COQ10B: variants seen among roughly 807,000 people sequenced by gnomAD.
The protein encoded by COQ10B is coenzyme Q-binding protein COQ10 homolog B, mitochondrial.
Under a neutral mutation model 27.6 loss-of-function variants are expected in COQ10B, and 12 were observed. The ratio of observed to expected loss-of-function variants is 0.43; its 90% CI spans 0.28 to 0.70. COQ10B has a LOEUF of 0.70. COQ10B is among the 30% of genes least tolerant of loss of function. The pLI, the probability that COQ10B is intolerant of heterozygous loss-of-function variation, is 0.17. For missense variants in COQ10B, 278 were observed against 288.7 expected, an observed-to-expected ratio of 0.96 and a Z score of 0.27; for synonymous variants, 115 against 103.0, an observed-to-expected ratio of 1.12 and a Z score of -0.71.
intron 1 of COQ10B, chr2:197,454,148 A>G: frequency 6.5e-7 from 1 of 1,547,542 alleles, no homozygotes; most frequent in Non-Finnish European, 8.7e-7. Flanking sequence ...AGTGTTTACA[A>G]AACTAAATAC....
intron 3 of COQ10B, among the ~76,000 whole-genome samples, chr2:197,464,080 C>CAT (rs199664770): frequency 1.1e-3 from 156 of 136,638 alleles, no homozygotes; most frequent in Admixed American, 2.7e-3. Context: ...CACACACACA[C>CAT]ATATATATAT....
At chr2:197,471,267 C>T (rs1005433334) in intron 4 of COQ10B, among the ~76,000 whole-genome samples, 3 of 151,900 alleles carry the variant, frequency 2.0e-5, no homozygotes, top group African/African-American at 4.8e-5. Flanking sequence ...CTCAGCCTCC[C>T]GAGTAGCTGG....
intron 1 of COQ10B, 129 bp from the exon 2 acceptor site, chr2:197,459,803 G>A (rs2085736836): frequency 1.8e-6 from 1 of 548,122 alleles, no homozygotes; most frequent in South Asian, 3.6e-5. Flanking sequence ...CCGTGTGTGT[G>A]TATTTTTTCA....
At chr2:197,458,750 G>A (rs955403649) in intron 1 of COQ10B, among the ~76,000 whole-genome samples, 3 of 148,180 alleles carry the variant, frequency 2.0e-5, no homozygotes, top group Non-Finnish European at 3.0e-5. Context: ...GCACAACTTC[G>A]GCTTACTGCA....
rs1471589137 is a variant in COQ10B, at chr2:197,473,922, T to A, written c.715T>A (p.Ter239LysextTer11). 2.0e-6 allele frequency: 3 copies of A among 1,493,412 alleles called. No individual in the cohort carries two copies. The highest frequency in any genetic ancestry group is 2.7e-6 in the Non-Finnish European group (3 of 1,113,284). 92.5% of individuals were successfully genotyped at this position (1,493,412 alleles called of 1,614,324 possible). Residue 239 changes from the stop codon to lysine, a stop_lost, in exon 5 of 5, where the codon TAA (stop) becomes AAA (lysine). Coordinates refer to ENST00000263960, the MANE Select transcript of COQ10B (RefSeq NM_025147.5). ...AATGCTTCATGAAGTCCATCACACATAAAGGCAAAAAAGAACTGGTGCCAC... is the reference window on the plus strand; with the variant it reads ...AATGCTTCATGAAGTCCATCACACAAAAAGGCAAAAAAGAACTGGTGCCAC... ...ELMLHEVHHT[*>K]
chr2:197,461,559 C>CTGTG lies in COQ10B; in HGVS notation c.255-947_255-944dup, dbSNP rs60261177. On this transcript the variant is annotated intron_variant, in intron 2 of 4. Transcript: ENST00000263960. ...GCAACTAAAAAAATACTGATTTAGTCTGTGTGTGTGTGTGTGTGTGTGTGT... is the reference window on the plus strand; with the variant it reads ...GCAACTAAAAAAATACTGATTTAGTCTGTGTGTGTGTGTGTGTGTGTGTGTGTGT... Among the ~76,000 whole-genome samples the CTGTG allele has an allele frequency of 6.3e-3, 884 of 139,854 alleles. 6 individuals carry two copies. The highest frequency in any genetic ancestry group is 0.019 in the African/African-American group (701 of 37,820). The allele number at this position is 139,854 out of a possible 152,430, so 91.7% of individuals were successfully genotyped here. A position where few individuals can be genotyped will look rare whatever the true frequency, so the allele number is the denominator to read the frequency against.
chr2:197,467,835 T>G (rs1213114492), intron 3 of COQ10B, among the ~76,000 whole-genome samples: 2 of 152,234 alleles, frequency 1.3e-5, no homozygotes, highest in African/African-American at 4.8e-5. Context: ...TGTCAGTAAT[T>G]CTAGTCTACA....
chr2:197,473,478 GTATATATATGTATATACGTA>G (rs1553575338), intron 4 of COQ10B, among the ~76,000 whole-genome samples: 2 of 86,204 alleles, frequency 2.3e-5, no homozygotes, highest in Non-Finnish European at 4.5e-5. Context: ...ATATATACAC[GTATATATATGTATATACGTA>G]TATATATACG....
chr2:197,453,553 A>G lies in COQ10B; in HGVS notation c.-8A>G, dbSNP rs746106576. 1 of 1,607,504 alleles carries G rather than the reference A, an allele frequency of 6.2e-7. No individual in the cohort carries two copies. The highest frequency in any genetic ancestry group is 1.3e-5 in the African/African-American group (1 of 74,622). ...CGGGAGGTGACGACCGGCTTCGGAG[A>G]GTCTATCATGGCAGCTCGGACTGGT... On this transcript the variant is annotated 5_prime_UTR_variant, in exon 1 of 5. Coordinates refer to ENST00000263960, the MANE Select transcript of COQ10B (RefSeq NM_025147.5).
At chr2:197,466,428 T>G (rs535511970) in intron 3 of COQ10B, among the ~76,000 whole-genome samples, 135 of 152,356 alleles carry the variant, frequency 8.9e-4, no homozygotes, top group African/African-American at 3.1e-3. Context: ...ATTCATGCTT[T>G]CTTTTATCAC....
intron 3 of COQ10B, among the ~76,000 whole-genome samples, chr2:197,466,933 G>C (rs915562369): frequency 1.3e-5 from 2 of 150,250 alleles, no homozygotes; most frequent in East Asian, 3.9e-4. Context: ...TTGTTCCTGG[G>C]TTCAGTTTCC....
intron 3 of COQ10B, among the ~76,000 whole-genome samples, chr2:197,467,375 C>G (rs965526830): frequency 6.6e-6 from 1 of 151,670 alleles, no homozygotes; most frequent in Non-Finnish European, 1.5e-5. Context: ...TGCCCGGGTT[C>G]TGGATTTGAT....
chr2:197,457,337 TC>T (rs1179747132), intron 1 of COQ10B, among the ~76,000 whole-genome samples: 2 of 152,234 alleles, frequency 1.3e-5, no homozygotes, highest in Non-Finnish European at 2.9e-5. Context: ...TATTGAATGT[TC>T]CTAGTGCAAA....
intron 1 of COQ10B, chr2:197,453,898 C>T (rs1376940620): frequency 4.7e-6 from 7 of 1,482,236 alleles, no homozygotes; most frequent in Admixed American, 2.0e-5. Context: ...GGTGAATCAT[C>T]GGCGAAGCGA....
At chr2:197,469,355 C>A (rs189888863) in intron 3 of COQ10B, among the ~76,000 whole-genome samples, 8 of 152,352 alleles carry the variant, frequency 5.3e-5, no homozygotes, top group Non-Finnish European at 7.3e-5. Context: ...CAAGTGTGAG[C>A]CACCACATCC....
At chr2:197,461,887 C>T (rs1265415887) in intron 2 of COQ10B, among the ~76,000 whole-genome samples, 1 of 151,988 alleles carries the variant, frequency 6.6e-6, no homozygotes, top group Non-Finnish European at 1.5e-5. Context: ...GTGATCTACC[C>T]ACCTCAGCTT....
chr2:197,458,227 C>T (rs1336960082), intron 1 of COQ10B, among the ~76,000 whole-genome samples: 1 of 151,140 alleles, frequency 6.6e-6, no homozygotes, highest in Non-Finnish European at 1.5e-5. Flanking sequence ...TATATGTATT[C>T]ATATATATAA....
intron 4 of COQ10B, among the ~76,000 whole-genome samples, chr2:197,472,913 A>G (rs1012652303): frequency 2.0e-5 from 3 of 151,968 alleles, no homozygotes; most frequent in African/African-American, 7.3e-5. Context: ...GGTGCTTCTC[A>G]GTGATACCTA....
intron 3 of COQ10B, among the ~76,000 whole-genome samples, chr2:197,463,925 A>C (rs2085787864): frequency 9.2e-6 from 1 of 108,388 alleles, no homozygotes; most frequent in Non-Finnish European, 1.8e-5. Context: ...CAAGAATGAA[A>C]CTCTGTCTCA....
Sources: gnomAD v4.1 joint callset for allele counts (sites outside exome capture counted in the v4.1 genomes callset) on GRCh38, gnomAD v4.1.1 for gene constraint, MANE v1.5 for transcripts, NCBI Gene and HGNC (gene_info 2026-07-23, HGNC 2026-07-21) for gene names.